ABLIM1: variants seen among roughly 807,000 people sequenced by gnomAD.
ABLIM1 encodes the protein actin binding LIM protein 1, also known as actin-binding LIM protein 1.
ABLIM1 carries 40 observed loss-of-function variants against 107.0 expected under a neutral mutation model. That is an observed-to-expected ratio of 0.37 (90% CI 0.29 to 0.49). ABLIM1 has a LOEUF of 0.49. Ranked by LOEUF, ABLIM1 falls within the 20% of genes least tolerant of loss-of-function variation. ABLIM1 has a pLI of 0.97. For synonymous variants in ABLIM1, 357 were observed against 357.3 expected (o/e 1.00, Z 0.01); for missense variants, 857 against 1,008.5 (o/e 0.85, Z 2.04).
intron 1 of ABLIM1, among the ~76,000 whole-genome samples, chr10:114,721,395 C>T (rs1388643573): frequency 6.6e-6 from 1 of 152,140 alleles, no homozygotes; most frequent in Middle Eastern, 3.2e-3. Flanking sequence ...CCCAGGTGAT[C>T]GCTCCCTGCT....
At chr10:114,574,648 G>T (rs951372284) in intron 3 of ABLIM1, among the ~76,000 whole-genome samples, 3 of 152,012 alleles carry the variant, frequency 2.0e-5, no homozygotes, top group Non-Finnish European at 2.9e-5. Flanking sequence ...CACCATGTTG[G>T]CCAGGCTGGT....
At chr10:114,467,448 T>C (rs560260722) in intron 11 of ABLIM1, among the ~76,000 whole-genome samples, 1 of 152,342 alleles carries the variant, frequency 6.6e-6, no homozygotes, top group Admixed American at 6.5e-5. Flanking sequence ...CTTTGTGGAA[T>C]TTGAGAGCAA....
chr10:114,657,895 C>T lies in ABLIM1; in HGVS notation c.244+62G>A, dbSNP rs1020428762. The T allele has an allele frequency of 1.5e-5, 21 of 1,355,038 alleles. No individual in the cohort carries two copies. The African/African-American group carries it at 1.6e-4, about 10-fold the overall frequency. 83.9% of individuals were successfully genotyped at this position (1,355,038 alleles called of 1,614,324 possible). ...TTACAGAAGAATGATCTGGATAGTACTCTCTTAATTACGCCAATCACAAAA... is the reference window on the plus strand; with the variant it reads ...TTACAGAAGAATGATCTGGATAGTATTCTCTTAATTACGCCAATCACAAAA... On this transcript the variant is annotated intron_variant, in intron 1 of 22. Coordinates refer to ENST00000533213, the MANE Select transcript of ABLIM1 (RefSeq NM_002313.7).
intron 1 of ABLIM1, among the ~76,000 whole-genome samples, chr10:114,719,243 A>G (rs1226804221): frequency 6.6e-6 from 1 of 152,216 alleles, no homozygotes; most frequent in Non-Finnish European, 1.5e-5. Context: ...TCTCTGTAAA[A>G]TGTGAAATAA....
rs1416158623 is a variant in ABLIM1 at position 114,618,480 on chromosome 10, C to CT, written c.245-16520dup. The stretch of plus-strand genomic sequence containing the variant: ...GTTTTAACTGAAAAAAACCCTGACT[C>CT]TGAGACAGGTTAGGAGCTTGGCTCT... On this transcript the variant is annotated intron_variant, in intron 1 of 22. Coordinates refer to ENST00000533213, the MANE Select transcript of ABLIM1 (RefSeq NM_002313.7). 3.9e-5 allele frequency among the ~76,000 whole-genome samples: 6 copies of CT among 152,342 alleles called. No individual in the cohort carries two copies. In the South Asian group the frequency reaches 1.2e-3, roughly 32 times the overall value.
At chr10:114,781,896 C>T in the ABLIM1 span, among the ~76,000 whole-genome samples, 1 of 151,856 alleles carries the variant, frequency 6.6e-6, no homozygotes, top group Non-Finnish European at 1.5e-5. Context: ...TCAGGAAAAA[C>T]AAAAGGCACT....
At chr10:114,469,300 C>T (rs1462162127) in intron 10 of ABLIM1, among the ~76,000 whole-genome samples, 1 of 152,178 alleles carries the variant, frequency 6.6e-6, no homozygotes, top group Non-Finnish European at 1.5e-5. Context: ...AGGCATGGGG[C>T]ATCCTGCCTT....
At chr10:114,608,595 G>A (rs985285236) in intron 1 of ABLIM1, among the ~76,000 whole-genome samples, 2 of 152,074 alleles carry the variant, frequency 1.3e-5, no homozygotes, top group Non-Finnish European at 2.9e-5. Flanking sequence ...CTTGAACCTG[G>A]GAGGCGGAGG....
chr10:114,450,177 C>A, intron 14 of ABLIM1: 1 of 308,078 alleles, frequency 3.2e-6, no homozygotes, highest in Non-Finnish European at 6.6e-6. Flanking sequence ...TAAACATTCA[C>A]ATGTTAATGA....
At chr10:114,559,260 A>G (rs2069253237) in intron 4 of ABLIM1, among the ~76,000 whole-genome samples, 1 of 152,014 alleles carries the variant, frequency 6.6e-6, no homozygotes, top group South Asian at 2.1e-4. Context: ...GCACCACTCA[A>G]TCATGGTATG....
chr10:114,767,681 C>T (rs1037123950), intron 1 of ABLIM1, among the ~76,000 whole-genome samples: 5 of 151,672 alleles, frequency 3.3e-5, no homozygotes, highest in Non-Finnish European at 7.4e-5. Flanking sequence ...CCCTGGATTT[C>T]TTCCATAGCC....
At chr10:114,539,376 A>C (rs891478928) in intron 6 of ABLIM1, among the ~76,000 whole-genome samples, 4 of 143,768 alleles carry the variant, frequency 2.8e-5, no homozygotes, top group Admixed American at 1.4e-4. Flanking sequence ...ACAACAACAA[A>C]AAAGAGGTAT....
the ABLIM1 span, chr10:114,779,015 T>C: frequency 1.3e-5 from 2 of 152,330 alleles, no homozygotes; most frequent in Non-Finnish European, 2.9e-5. Context: ...GACTAGGTAA[T>C]AGCAGGAGCA....
At chr10:114,708,549 AG>A (rs551905743) in intron 1 of ABLIM1, among the ~76,000 whole-genome samples, 362 of 152,328 alleles carry the variant, frequency 2.4e-3, no homozygotes, top group African/African-American at 8.0e-3. Flanking sequence ...AAGGAGCAAG[AG>A]GGGGTACAGG....
chr10:114,729,277 A>G (rs904685797), intron 1 of ABLIM1, among the ~76,000 whole-genome samples: 2 of 152,002 alleles, frequency 1.3e-5, no homozygotes, highest in African/African-American at 4.8e-5. Flanking sequence ...GCATGGATAC[A>G]CCCTGAGCTC....
the ABLIM1 span, among the ~76,000 whole-genome samples, chr10:114,793,191 G>A: frequency 3.3e-5 from 5 of 152,114 alleles, no homozygotes; most frequent in Non-Finnish European, 5.9e-5. Flanking sequence ...AATCCCCAAT[G>A]TTGGAGGTGG....
intron 1 of ABLIM1, among the ~76,000 whole-genome samples, chr10:114,767,200 T>TA (rs1459747370): frequency 4.6e-5 from 7 of 151,290 alleles, no homozygotes; most frequent in African/African-American, 1.2e-4. Context: ...AAATAAAAAA[T>TA]AAAAAAACAA....
chr10:114,473,812 C>A, intron 9 of ABLIM1, 67 bp downstream of exon 9: 2 of 1,233,018 alleles, frequency 1.6e-6, no homozygotes, highest in African/African-American at 1.5e-5. Flanking sequence ...TTGGATTACC[C>A]ATTCTGCTAT....
intron 1 of ABLIM1, among the ~76,000 whole-genome samples, chr10:114,759,428 T>TAGGAAA (rs1309199657): frequency 6.6e-6 from 1 of 152,166 alleles, no homozygotes; most frequent in Non-Finnish European, 1.5e-5. Flanking sequence ...CACTAAGCAT[T>TAGGAAA]TCCTTCCCAT....
Sources: allele counts gnomAD v4.1 joint callset (sites outside exome capture counted in the v4.1 genomes callset), GRCh38; gene constraint gnomAD v4.1.1; transcripts MANE v1.5; gene names NCBI Gene and HGNC (gene_info 2026-07-23, HGNC 2026-07-21).